The following OGT variants were observed in gnomAD, a reference collection of about 807,000 sequenced individuals.
OGT encodes the protein UDP-N-acetylglucosamine--peptide N-acetylglucosaminyltransferase 110 kDa subunit.
OGT carries 3 observed loss-of-function variants against 75.8 expected under a neutral mutation model. That is an observed-to-expected ratio of 0.04 (90% CI 0.02 to 0.10). The LOEUF (loss-of-function observed/expected upper bound fraction) is 0.10. OGT is among the 10% of genes least tolerant of loss of function. The probability of loss-of-function intolerance (pLI) is 1.00; values close to 1 mark genes in which losing one functional copy is unlikely to be tolerated. For missense variants in OGT, 260 were observed against 824.4 expected (o/e 0.32, Z 8.38); for synonymous variants, 257 against 289.7 (o/e 0.89, Z 1.15).
Position 71,533,216 on chromosome X carries a change from C to CT in OGT, c.-83dup. 5.1e-6 allele frequency: 5 copies of CT among 973,387 alleles called. No homozygotes were observed. Among genetic ancestry groups the CT allele is most frequent in the Non-Finnish European group, 1.4e-6 (1 of 695,735 alleles). 80.2% of individuals were successfully genotyped at this position (973,387 alleles called of 1,213,427 possible). A position where few individuals can be genotyped will look rare whatever the true frequency, so the allele number is the denominator to read the frequency against. On this transcript the variant is annotated 5_prime_UTR_variant, in exon 1 of 22. Transcript: ENST00000373719. ...CATTGCTACGGCTGCTGCCCTTGTA[C>CT]TACTACCTCCAAATACGTTCTTGCT...
At chrX:71,566,387 A>G (rs2040416444) in intron 19 of OGT, among the ~76,000 whole-genome samples, 1 of 112,028 alleles carries the variant, frequency 8.9e-6, no homozygotes, top group African/African-American at 3.2e-5. Flanking sequence ...ATTGACTCAC[A>G]GTTCCGCGTG....
At chrX:71,555,134 TTGTGTGTGTGTGTGTGTGTG>T (rs376605851) in intron 6 of OGT, 36 bp from the exon 7 acceptor site, 48 of 533,783 alleles carry the variant, frequency 9.0e-5, no homozygotes, top group Non-Finnish European at 1.1e-4. Flanking sequence ...GAGTTACATT[TTGTGTGTGTGTGTGTGTGTG>T]TGTGTGTGTG....
intron 1 of OGT, among the ~76,000 whole-genome samples, chrX:71,535,143 T>TC (rs1388196447): frequency 1.1e-3 from 120 of 109,281 alleles, no homozygotes; most frequent in African/African-American, 3.6e-3. Flanking sequence ...TTTTTTTTTT[T>TC]CCCTCTCTGG....
chrX:71,548,628 G>A (rs2040278992), intron 5 of OGT, among the ~76,000 whole-genome samples: 2 of 111,664 alleles, frequency 1.8e-5, no homozygotes, highest in African/African-American at 6.5e-5. Flanking sequence ...GGATGCAGCT[G>A]GAGTTTATTA....
At chrX:71,534,448 G>A (rs1390092302) in intron 1 of OGT, 1 of 110,836 alleles carries the variant, frequency 9.0e-6, no homozygotes, top group Non-Finnish European at 1.9e-5. Context: ...CGATTTGGGC[G>A]GAAGGGGGTG....
chrX:71,567,562 T>G lies in OGT; in HGVS notation c.2652T>G (p.Pro884=), dbSNP rs369125723. 206 of 1,198,061 alleles carry G rather than the reference T, an allele frequency of 1.7e-4. No individual in the cohort carries two copies. Among genetic ancestry groups the G allele is most frequent in the Admixed American group, 4.4e-4 (20 of 45,560 alleles). The change falls in exon 20 of 22, where the codon CCT becomes CCG. Residue 884 remains proline, a synonymous_variant. Transcript: ENST00000373719. ...WLLRFPAVGE[P]NIQQYAQNMG... Reference sequence around the variant, plus strand: ...TGCGTTTTCCAGCAGTAGGAGAACCTAATATTCAACAGTATGCACAAAACA... The same window carrying G: ...TGCGTTTTCCAGCAGTAGGAGAACCGAATATTCAACAGTATGCACAAAACA...
At chrX:71,537,575 T>A (rs1222790420) in intron 2 of OGT, among the ~76,000 whole-genome samples, 1 of 112,903 alleles carries the variant, frequency 8.9e-6, no homozygotes, top group Admixed American at 9.3e-5. Flanking sequence ...AGTGCTGGGA[T>A]TACAGGCGTG....
chrX:71,555,817 G>A, intron 7 of OGT, 137 bp from the exon 8 acceptor site: 1 of 689,638 alleles, frequency 1.5e-6, no homozygotes, highest in South Asian at 3.2e-5. Flanking sequence ...AGTTTTGGTT[G>A]AGGGTAAGAA....
chrX:71,555,830 C>T (rs867910051), intron 7 of OGT, 124 bp from the exon 8 acceptor site: 15 of 855,080 alleles, frequency 1.8e-5, no homozygotes, highest in Middle Eastern at 7.6e-4. Flanking sequence ...GGTAAGAATA[C>T]CAAAAAATAT....
chrX:71,541,063 C>T (rs757160791), intron 3 of OGT, among the ~76,000 whole-genome samples: 107 of 111,975 alleles, frequency 9.6e-4, no homozygotes, highest in African/African-American at 3.3e-3. Context: ...GTTGCCTATA[C>T]CTGGCAATTC....
At chrX:71,562,004 C>G in intron 15 of OGT, 104 bp downstream of exon 15, 3 of 824,536 alleles carry the variant, frequency 3.6e-6, no homozygotes, top group Non-Finnish European at 5.1e-6. Flanking sequence ...AACTGTAGGG[C>G]AGACATACTT....
At chrX:71,548,640 C>T (rs770979675) in intron 5 of OGT, among the ~76,000 whole-genome samples, 6 of 111,518 alleles carry the variant, frequency 5.4e-5, no homozygotes, top group Non-Finnish European at 1.1e-4. Context: ...AGTTTATTAT[C>T]TTAAGTGAAT....
intron 2 of OGT, among the ~76,000 whole-genome samples, 186 bp from the exon 3 acceptor site, chrX:71,537,643 T>C (rs1179210825): frequency 8.9e-6 from 1 of 112,936 alleles, no homozygotes; most frequent in Admixed American, 9.3e-5. Context: ...CATTTTGAAA[T>C]CTAGAATACC....
At chrX:71,534,129 CT>C (rs1164172241) in intron 1 of OGT, among the ~76,000 whole-genome samples, 1 of 110,857 alleles carries the variant, frequency 9.0e-6, no homozygotes, top group Non-Finnish European at 1.9e-5. Flanking sequence ...CACCCCGATG[CT>C]GCTGCTTTGG....
Position 71,575,483 on chromosome X carries a change from C to T in OGT, c.*1689C>T, listed in dbSNP as rs977175152. On this transcript the variant is annotated 3_prime_UTR_variant, in exon 22 of 22. Coordinates refer to ENST00000373719, the MANE Select transcript of OGT (RefSeq NM_181672.3). The stretch of plus-strand genomic sequence containing the variant: ...AGGGATTTCTTAATTTATTTTTTAC[C>T]GGTTGATTGAAATATCAGTTAAAGG... The T allele has an allele frequency of 1.8e-5, 2 of 112,114 alleles. No individual in the cohort carries two copies. The highest frequency in any genetic ancestry group is 3.8e-5 in the Non-Finnish European group (2 of 53,151). 9.2% of individuals were successfully genotyped at this position (112,114 alleles called of 1,213,427 possible).
intron 5 of OGT, 82 bp downstream of exon 5, chrX:71,548,105 G>A: frequency 3.2e-6 from 3 of 941,639 alleles, no homozygotes; most frequent in Non-Finnish European, 4.5e-6. Context: ...ATAGGTCTTA[G>A]CCAGTGACAT....
intron 19 of OGT, among the ~76,000 whole-genome samples, chrX:71,565,620 T>G (rs2040411749): frequency 8.9e-6 from 1 of 112,267 alleles, no homozygotes; most frequent in Admixed American, 9.5e-5. Flanking sequence ...GTGAACCTTT[T>G]AAATTTACAT....
At chrX:71,569,131 C>T (rs1484862327) in intron 21 of OGT, among the ~76,000 whole-genome samples, 1 of 111,444 alleles carries the variant, frequency 9.0e-6, no homozygotes, top group Non-Finnish European at 1.9e-5. Flanking sequence ...AGATGGAGAC[C>T]ATCCTGGCTA....
At position 71,559,676 on chromosome X, in the gene OGT, A is replaced by G; in HGVS notation, c.1850A>G (p.Gln617Arg). 1 of 1,185,651 alleles carries G rather than the reference A, an allele frequency of 8.4e-7. No individual in the cohort carries two copies. The highest frequency in any genetic ancestry group is 1.1e-6 in the Non-Finnish European group (1 of 874,773). The change falls in exon 14 of 22, where the codon CAG becomes CGG. Residue 617 changes from glutamine to arginine, a missense_variant and splice_region_variant. Gln to Arg is a conservative substitution (Grantham distance 43, BLOSUM62 1). This residue lies in a region of OGT where 99 missense variants were observed against 417.9 expected (regional missense o/e 0.24). Transcript: ENST00000373719. Reference sequence around the variant, plus strand: ...GCCAATCATTTCATTGATCTTTCTCAGGTAGATGAAACTCTCATACTTTAA... The same window carrying G: ...GCCAATCATTTCATTGATCTTTCTCGGGTAGATGAAACTCTCATACTTTAA... ...AEANHFIDLSQIPCNGKAADR... is the reference protein window; with the variant it reads ...AEANHFIDLSRIPCNGKAADR...
Sources: allele counts gnomAD v4.1 joint callset (sites outside exome capture counted in the v4.1 genomes callset), GRCh38; gene constraint gnomAD v4.1.1; regional missense constraint gnomAD v4.1.1; transcripts MANE v1.5; gene names NCBI Gene and HGNC (gene_info 2026-07-23, HGNC 2026-07-21).